Variants in ZDHHC14 observed in about 807,000 individuals in gnomAD.
The protein encoded by ZDHHC14 is palmitoyltransferase ZDHHC14.
ZDHHC14 carries 16 observed loss-of-function variants against 47.7 expected under a neutral mutation model. The ratio of observed to expected loss-of-function variants is 0.34; its 90% confidence interval spans 0.23 to 0.51. The LOEUF (loss-of-function observed/expected upper bound fraction) is 0.51. ZDHHC14 is among the 20% of genes least tolerant of loss of function. The pLI is 0.97. For synonymous variants in ZDHHC14, 293 were observed against 278.9 expected (o/e 1.05, Z -0.50); for missense variants, 515 against 662.5 (o/e 0.78, Z 2.44).
intron 1 of ZDHHC14, among the ~76,000 whole-genome samples, chr6:157,409,847 G>GGGGA (rs1362157334): frequency 6.6e-6 from 1 of 151,482 alleles, no homozygotes; most frequent in African/African-American, 2.4e-5. Context: ...TTTGGGGGGG[G>GGGGA]GGACAGAGTC....
In ZDHHC14 at chr6:157,634,936, C is replaced by T. The variant is rs536965764; in HGVS notation, c.752+2054C>T. ...CTCCGTACGTGTCCCCTGGGAGCCA[C>T]CCTTCAGGTGGAGCATAGAGGGGCT... is the stretch of plus-strand genomic sequence containing the variant. On this transcript the variant is annotated intron_variant, in intron 5 of 8. Transcript: ENST00000359775. 5.9e-5 allele frequency among the ~76,000 whole-genome samples: 9 copies of T among 152,322 alleles called. No homozygotes were observed. In the East Asian group the frequency reaches 1.3e-3, roughly 23 times the overall value.
In ZDHHC14 at chr6:157,381,951, C is replaced by G. The variant is rs1230976175; in HGVS notation, c.-71C>G. On this transcript the variant is annotated 5_prime_UTR_variant, in exon 1 of 9. Transcript: ENST00000359775. ...GGGCGGCCGGGCGGCCGGCGGCGGT[C>G]GTGGCTCGGCGGGGCCCGCGCGGCC... 38 of 992,230 alleles carry G rather than the reference C, an allele frequency of 3.8e-5. No individual in the cohort carries two copies. Among genetic ancestry groups the G allele is most frequent in the Non-Finnish European group, 4.5e-5 (38 of 835,710 alleles). 61.5% of individuals were successfully genotyped at this position (992,230 alleles called of 1,614,324 possible).
intron 2 of ZDHHC14, among the ~76,000 whole-genome samples, chr6:157,556,449 G>C (rs1782467583): frequency 6.6e-6 from 1 of 152,246 alleles, no homozygotes; most frequent in Admixed American, 6.5e-5. Context: ...CTCTCAACTA[G>C]TAATCAGCAG....
intron 1 of ZDHHC14, among the ~76,000 whole-genome samples, chr6:157,486,078 T>G (rs1015996975): frequency 1.3e-5 from 2 of 152,200 alleles, no homozygotes; most frequent in Non-Finnish European, 2.9e-5. Context: ...ACTTAGGCAA[T>G]GAGGTGACTG....
chr6:157,471,739 C>T (rs1277943939), intron 1 of ZDHHC14, among the ~76,000 whole-genome samples: 1 of 152,216 alleles, frequency 6.6e-6, no homozygotes, highest in African/African-American at 2.4e-5. Context: ...TAGATCGTGT[C>T]AGCCTTTGAA....
chr6:157,452,137 C>T (rs1778817734), intron 1 of ZDHHC14, among the ~76,000 whole-genome samples: 1 of 152,194 alleles, frequency 6.6e-6, no homozygotes, highest in Non-Finnish European at 1.5e-5. Context: ...CCCCTCCTTC[C>T]AGTCAAACTT....
intron 3 of ZDHHC14, among the ~76,000 whole-genome samples, chr6:157,595,065 G>T (rs1260328032): frequency 6.6e-6 from 1 of 151,380 alleles, no homozygotes; most frequent in African/African-American, 2.4e-5. Context: ...AAAACTAAAG[G>T]TCTTACTGGG....
At chr6:157,460,835 T>C (rs1438783798) in intron 1 of ZDHHC14, among the ~76,000 whole-genome samples, 1 of 152,190 alleles carries the variant, frequency 6.6e-6, no homozygotes. Context: ...TCCCTGAAGA[T>C]GCAGGGGTGC....
intron 5 of ZDHHC14, among the ~76,000 whole-genome samples, chr6:157,644,500 G>A (rs1044260729): frequency 1.3e-5 from 2 of 152,218 alleles, no homozygotes; most frequent in African/African-American, 2.4e-5. Flanking sequence ...GGTTTAGTGC[G>A]ATGTTGAAAG....
At chr6:157,648,851 G>A (rs1472948327) in intron 7 of ZDHHC14, among the ~76,000 whole-genome samples, 1 of 152,226 alleles carries the variant, frequency 6.6e-6, no homozygotes, top group African/African-American at 2.4e-5. Context: ...TAGCAGGGCA[G>A]GTCAGGAAAC....
intron 2 of ZDHHC14, among the ~76,000 whole-genome samples, chr6:157,591,143 C>T (rs1245915246): frequency 6.6e-6 from 1 of 152,190 alleles, no homozygotes; most frequent in East Asian, 1.9e-4. Flanking sequence ...ACAGAAGAAA[C>T]TTGCCTTGTC....
chr6:157,576,030 T>A (rs1241708582), intron 2 of ZDHHC14, among the ~76,000 whole-genome samples: 21 of 152,156 alleles, frequency 1.4e-4, no homozygotes, highest in Admixed American at 1.4e-3. Flanking sequence ...CCTTCTTTGC[T>A]CCTCCTGTGA....
intron 3 of ZDHHC14, among the ~76,000 whole-genome samples, chr6:157,608,717 C>A (rs1784641913): frequency 6.6e-6 from 1 of 152,132 alleles, no homozygotes; most frequent in Non-Finnish European, 1.5e-5. Context: ...GAGTTTTGAT[C>A]TTATCTGAGG....
At chr6:157,383,706 C>T (rs193131930) in intron 1 of ZDHHC14, among the ~76,000 whole-genome samples, 3 of 152,308 alleles carry the variant, frequency 2.0e-5, no homozygotes, top group African/African-American at 7.2e-5. Flanking sequence ...TCCCCATTTC[C>T]GATGGTATGT....
chr6:157,643,141 G>A (rs139848923), intron 5 of ZDHHC14, among the ~76,000 whole-genome samples: 1 of 152,198 alleles, frequency 6.6e-6, no homozygotes, highest in Non-Finnish European at 1.5e-5. Context: ...AAGCAGAACA[G>A]GACCTGACAC....
intron 1 of ZDHHC14, among the ~76,000 whole-genome samples, chr6:157,445,766 A>C (rs1315547816): frequency 6.6e-6 from 1 of 152,212 alleles, no homozygotes; most frequent in Non-Finnish European, 1.5e-5. Context: ...TCTGGTTTGG[A>C]AAAAGCCAGA....
chr6:157,672,660 TG>T, intron 8 of ZDHHC14, 63 bp from the exon 9 acceptor site: 3 of 368,014 alleles, frequency 8.2e-6, no homozygotes, highest in East Asian at 8.9e-5. Flanking sequence ...TCCCCATCCC[TG>T]TCCCTCCCCA....
At chr6:157,581,785 A>AT (rs1355722444) in intron 2 of ZDHHC14, among the ~76,000 whole-genome samples, 3 of 152,026 alleles carry the variant, frequency 2.0e-5, no homozygotes, top group Non-Finnish European at 4.4e-5. Flanking sequence ...ATTTTTCTCC[A>AT]TCACTTCATT....
At chr6:157,383,093 A>T (rs1481566888) in intron 1 of ZDHHC14, among the ~76,000 whole-genome samples, 2 of 152,334 alleles carry the variant, frequency 1.3e-5, no homozygotes, top group Admixed American at 1.3e-4. Context: ...AGGAAAATCA[A>T]ATTGGCCAGT....
Sources: gnomAD v4.1 joint callset for allele counts (sites outside exome capture counted in the v4.1 genomes callset) on GRCh38, gnomAD v4.1.1 for gene constraint, MANE v1.5 for transcripts, NCBI Gene and HGNC (gene_info 2026-07-23, HGNC 2026-07-21) for gene names.